The following EPS8 variants were observed in gnomAD, a reference collection of about 807,000 sequenced individuals.
EPS8 encodes EGFR pathway substrate 8, signaling adaptor, also known as epidermal growth factor receptor kinase substrate 8.
In EPS8, 42 loss-of-function variants were observed where a neutral mutation model predicts 103.8. The observed-to-expected ratio is 0.40, with a 90% confidence interval of 0.32 to 0.52. EPS8 has a LOEUF of 0.52. Ranked by LOEUF, EPS8 falls within the 20% of genes least tolerant of loss-of-function variation. EPS8 has a pLI of 0.40. For missense variants in EPS8, 969 were observed against 1,005.1 expected (o/e 0.96, Z 0.49); for synonymous variants, 344 against 344.6 (o/e 1.00, Z 0.02).
chr12:15,750,508 T>C (rs932205575), intron 1 of EPS8, among the ~76,000 whole-genome samples: 1 of 152,216 alleles, frequency 6.6e-6, no homozygotes, highest in Non-Finnish European at 1.5e-5. Flanking sequence ...TACATCTTTA[T>C]GGTCTAATAT....
At chr12:15,729,523 C>G (rs773742882) in intron 1 of EPS8, among the ~76,000 whole-genome samples, 1 of 152,112 alleles carries the variant, frequency 6.6e-6, no homozygotes, top group Non-Finnish European at 1.5e-5. Flanking sequence ...TTCATTAGCC[C>G]TCTCCAATCT....
intron 1 of EPS8, among the ~76,000 whole-genome samples, chr12:15,719,902 G>A (rs936808624): frequency 1.3e-5 from 2 of 152,088 alleles, no homozygotes; most frequent in South Asian, 2.1e-4. Flanking sequence ...AACCAACTAC[G>A]TCAAGAGGTG....
intron 3 of EPS8, among the ~76,000 whole-genome samples, chr12:15,680,465 T>A (rs1398848981): frequency 1.3e-5 from 2 of 152,204 alleles, no homozygotes; most frequent in Non-Finnish European, 2.9e-5. Context: ...ATTACACAGA[T>A]AAGCAAAATT....
At chr12:15,673,311 G>A (rs1335636709) in intron 3 of EPS8, among the ~76,000 whole-genome samples, 2 of 151,358 alleles carry the variant, frequency 1.3e-5, no homozygotes, top group African/African-American at 4.9e-5. Context: ...TGCCATAAAT[G>A]GACTTATAAA....
chr12:15,646,381 G>C (rs1369790864), intron 15 of EPS8, among the ~76,000 whole-genome samples: 2 of 152,086 alleles, frequency 1.3e-5, no homozygotes, highest in Non-Finnish European at 2.9e-5. Context: ...ACTAGGCCGA[G>C]TTCTCTATTC....
intron 20 of EPS8, among the ~76,000 whole-genome samples, chr12:15,622,605 T>G (rs1944877430): frequency 6.6e-6 from 1 of 152,162 alleles, no homozygotes; most frequent in South Asian, 2.1e-4. Context: ...TATAAAGCAA[T>G]CTAGAAAACA....
chr12:15,753,960 T>C (rs942934839), intron 1 of EPS8, among the ~76,000 whole-genome samples: 1 of 152,236 alleles, frequency 6.6e-6, no homozygotes, highest in African/African-American at 2.4e-5. Context: ...TTTCATCTTA[T>C]ACCTGAGGAG....
intron 1 of EPS8, among the ~76,000 whole-genome samples, chr12:15,786,567 A>G (rs1947313540): frequency 2.6e-5 from 4 of 152,090 alleles, no homozygotes; most frequent in Admixed American, 2.6e-4. Flanking sequence ...ACAAATACCA[A>G]TAATACAAGA....
chr12:15,709,810 C>T (rs1373150792), intron 1 of EPS8, among the ~76,000 whole-genome samples: 1 of 152,206 alleles, frequency 6.6e-6, no homozygotes, highest in Non-Finnish European at 1.5e-5. Context: ...TCATGGAAGA[C>T]AATTTTTCCA....
intron 20 of EPS8, 130 bp from the exon 21 acceptor site, chr12:15,621,560 T>C (rs781640468): frequency 6.9e-6 from 4 of 583,258 alleles, no homozygotes; most frequent in Non-Finnish European, 8.9e-6. Flanking sequence ...CTAACAGCTC[T>C]ACTTTTTAAG....
At chr12:15,711,417 T>A (rs1946462733) in intron 1 of EPS8, among the ~76,000 whole-genome samples, 2 of 152,136 alleles carry the variant, frequency 1.3e-5, no homozygotes, top group Admixed American at 1.3e-4. Context: ...TTTGCTTAAG[T>A]TAAACTGAAA....
At chr12:15,658,182 T>C (rs753985401) in intron 11 of EPS8, 29 bp from the exon 12 acceptor site, 10 of 1,507,864 alleles carry the variant, frequency 6.6e-6, no homozygotes, top group Non-Finnish European at 8.3e-6. Context: ...AGAAAACAGA[T>C]TACTATCAAG....
At chr12:15,627,253 C>T (rs1944964581) in intron 18 of EPS8, among the ~76,000 whole-genome samples, 1 of 152,166 alleles carries the variant, frequency 6.6e-6, no homozygotes, top group African/African-American at 2.4e-5. Context: ...ATCCACCCAC[C>T]TTGGCCTCCC....
In EPS8 at chr12:15,716,478, T is replaced by A. The variant is rs1016066195; in HGVS notation, c.-21-33506A>T. Among the ~76,000 whole-genome samples the A allele has an allele frequency of 1.3e-5, 2 of 152,140 alleles. No homozygotes were observed. Among genetic ancestry groups the A allele is most frequent in the African/African-American group, 4.8e-5 (2 of 41,432 alleles). ...CAGGATATCAATGATAGTGGAACAA[T>A]TCTAAGCAAAGCTCATGGGTATTTG... On this transcript the variant is annotated intron_variant, in intron 1 of 20. Transcript: ENST00000281172. This position sits in a 1 kb window ranked among gnomAD's most constrained non-coding sequence, Gnocchi z 5.0.
intron 3 of EPS8, among the ~76,000 whole-genome samples, chr12:15,673,804 C>A (rs1591842723): frequency 6.6e-6 from 1 of 151,792 alleles, no homozygotes; most frequent in African/African-American, 2.4e-5. Flanking sequence ...CAACTCCTAA[C>A]ATAAGACTAA....
rs1398294496 is a variant in EPS8 at position 15,738,692 on chromosome 12, T to C, written c.-22+50469A>G. 6.6e-6 allele frequency among the ~76,000 whole-genome samples: 1 copy of C among 152,184 alleles called. No homozygotes were observed. Among genetic ancestry groups the C allele is most frequent in the Admixed American group, 6.5e-5 (1 of 15,284 alleles). ...ATTTAATATCAGTCATTTGTTTGCA[T>C]ATTTGTCTCATAGTTGGAATATAAA... On this transcript the variant is annotated intron_variant, in intron 1 of 20. Transcript: ENST00000281172. The surrounding 1 kb of genome is among the most constrained non-coding windows in gnomAD (Gnocchi z 6.2).
At chr12:15,741,424 G>A (rs1946821375) in intron 1 of EPS8, among the ~76,000 whole-genome samples, 1 of 152,110 alleles carries the variant, frequency 6.6e-6, no homozygotes, top group African/African-American at 2.4e-5. Context: ...CAGGTACCAA[G>A]CGAATCCTGG....
intron 9 of EPS8, among the ~76,000 whole-genome samples, chr12:15,661,044 G>A (rs183597068): frequency 2.6e-4 from 40 of 152,234 alleles, no homozygotes; most frequent in African/African-American, 9.4e-4. Context: ...CAGTTAGGAG[G>A]AAAATTCTAA....
At chr12:15,686,999 A>C (rs899597454) in intron 1 of EPS8, among the ~76,000 whole-genome samples, 1 of 152,018 alleles carries the variant, frequency 6.6e-6, no homozygotes, top group South Asian at 2.1e-4. Context: ...CTCCCAGTCT[A>C]AGTTACAACC....
Sources: gnomAD v4.1 joint callset for allele counts (sites outside exome capture counted in the v4.1 genomes callset) on GRCh38, gnomAD v4.1.1 for gene constraint, Gnocchi (gnomAD v3.1) non-coding constraint, MANE v1.5 for transcripts, NCBI Gene and HGNC (gene_info 2026-07-23, HGNC 2026-07-21) for gene names.